The following FRMD4A variants were observed in gnomAD, a reference collection of about 807,000 sequenced individuals.
The protein encoded by FRMD4A is FERM domain containing 4A, also known as FERM domain-containing protein 4A.
FRMD4A carries 29 observed loss-of-function variants against 129.1 expected under a neutral mutation model. The ratio of observed to expected loss-of-function variants is 0.22; its 90% confidence interval spans 0.17 to 0.31. FRMD4A has a LOEUF of 0.31. FRMD4A is among the 10% of genes least tolerant of loss of function. FRMD4A has a pLI of 1.00. For missense variants in FRMD4A, 1,272 were observed against 1,375.8 expected, an observed-to-expected ratio of 0.92 and a Z score of 1.19; for synonymous variants, 634 against 571.6, an observed-to-expected ratio of 1.11 and a Z score of -1.56.
At chr10:14,018,532 A>T (rs867392331) in intron 2 of FRMD4A, among the ~76,000 whole-genome samples, 2 of 151,568 alleles carry the variant, frequency 1.3e-5, no homozygotes, top group Admixed American at 6.6e-5. Context: ...TATATTTTAG[A>T]TCTCATTCCA....
chr10:14,164,014 G>C (rs1025168826), intron 2 of FRMD4A, among the ~76,000 whole-genome samples: 4 of 152,186 alleles, frequency 2.6e-5, no homozygotes, highest in Admixed American at 2.6e-4. Context: ...AATGGCCCGT[G>C]TATTTTCTCA....
intron 5 of FRMD4A, among the ~76,000 whole-genome samples, chr10:13,787,247 A>C (rs1002864918): frequency 3.9e-5 from 6 of 152,310 alleles, no homozygotes; most frequent in African/African-American, 1.2e-4. Context: ...GGCCTGTCAT[A>C]TCATTGTTCT....
In FRMD4A at chr10:13,757,803, G is replaced by A. The variant is rs1238307150; in HGVS notation, c.464+3844C>T. ...TTGTCACCCAGGCTGGAGTGTAATG[G>A]CACGATCTCAGCTCACTGCAACCTC... On this transcript the variant is annotated intron_variant, in intron 8 of 24. Transcript: ENST00000357447. 3.9e-5 allele frequency among the ~76,000 whole-genome samples: 6 copies of A among 152,144 alleles called. No homozygotes were observed. In the East Asian group the frequency reaches 9.6e-4, roughly 24 times the overall value.
rs138433317 is a variant in FRMD4A at position 13,699,768 on chromosome 10, C to A, written c.975+1572G>T. On this transcript the variant is annotated intron_variant, in intron 14 of 24. Transcript: ENST00000357447. ...AGGTGTCGACCTCCAACTGTTGCCCCTGGACAGCAAAACCCTGACACCCAC... is the reference window on the plus strand; with the variant it reads ...AGGTGTCGACCTCCAACTGTTGCCCATGGACAGCAAAACCCTGACACCCAC... Among the ~76,000 whole-genome samples, 16 of 152,264 alleles carry A rather than the reference C, an allele frequency of 1.1e-4. 1 individual carries two copies. In the East Asian group the frequency reaches 3.1e-3, roughly 29 times the overall value.
intron 6 of FRMD4A, among the ~76,000 whole-genome samples, chr10:13,779,788 C>CAAAAAA (rs33912813): frequency 6.8e-6 from 1 of 146,880 alleles, no homozygotes. Context: ...AATTCACTCT[C>CAAAAAA]AAAAAAAAAA....
intron 2 of FRMD4A, among the ~76,000 whole-genome samples, chr10:14,145,837 A>T (rs1268111964): frequency 6.6e-6 from 1 of 152,178 alleles, no homozygotes; most frequent in Non-Finnish European, 1.5e-5. Context: ...CACCTTCTTT[A>T]TAAGCAAGGA....
intron 2 of FRMD4A, among the ~76,000 whole-genome samples, chr10:13,874,928 T>C (rs1318794407): frequency 6.6e-6 from 1 of 152,196 alleles, no homozygotes; most frequent in East Asian, 1.9e-4. Flanking sequence ...TAACAGGCTG[T>C]TGCAGAGTGA....
chr10:13,714,366 T>G (rs1414302910), intron 12 of FRMD4A, among the ~76,000 whole-genome samples: 1 of 151,394 alleles, frequency 6.6e-6, no homozygotes, highest in Non-Finnish European at 1.5e-5. Flanking sequence ...CTGGCCCAGG[T>G]ATATGTTTTT....
chr10:14,091,503 A>G (rs1998916), intron 2 of FRMD4A, among the ~76,000 whole-genome samples: 2,656 of 152,082 alleles, frequency 0.017, 113 homozygotes, highest in East Asian at 0.16. Context: ...GTGTGATCTC[A>G]GCTCACTGCA....
intron 2 of FRMD4A, among the ~76,000 whole-genome samples, chr10:14,162,598 C>G (rs556103979): frequency 6.6e-6 from 1 of 150,938 alleles, no homozygotes; most frequent in East Asian, 1.9e-4. Flanking sequence ...ACTCTCATCC[C>G]AGCCAATTGA....
intron 2 of FRMD4A, among the ~76,000 whole-genome samples, chr10:14,030,329 T>C (rs1833178523): frequency 6.6e-6 from 1 of 152,226 alleles, no homozygotes; most frequent in Non-Finnish European, 1.5e-5. Flanking sequence ...GATACATTAA[T>C]TAGCTTGATC....
intron 4 of FRMD4A, among the ~76,000 whole-genome samples, chr10:13,801,699 G>A (rs1168724356): frequency 1.3e-5 from 2 of 152,198 alleles, no homozygotes; most frequent in Non-Finnish European, 2.9e-5. Context: ...CTTTTGGCTG[G>A]AGCACTTGTT....
intron 3 of FRMD4A, among the ~76,000 whole-genome samples, chr10:13,841,796 A>G (rs1290990216): frequency 6.6e-6 from 1 of 152,124 alleles, no homozygotes; most frequent in Non-Finnish European, 1.5e-5. Flanking sequence ...AAGTCATTCT[A>G]ACAAATTATT....
chr10:14,182,829 T>C (rs1397546942), intron 2 of FRMD4A, among the ~76,000 whole-genome samples: 1 of 152,216 alleles, frequency 6.6e-6, no homozygotes, highest in Non-Finnish European at 1.5e-5. Flanking sequence ...TTCTGAATTC[T>C]ACTGAGTGAG....
intron 2 of FRMD4A, among the ~76,000 whole-genome samples, chr10:14,044,480 A>G (rs1439421282): frequency 6.6e-6 from 1 of 152,252 alleles, no homozygotes; most frequent in Non-Finnish European, 1.5e-5. Flanking sequence ...CCTAAGTCCA[A>G]TATGACTAGC....
At chr10:13,921,349 C>T (rs1296579489) in intron 2 of FRMD4A, among the ~76,000 whole-genome samples, 1 of 151,026 alleles carries the variant, frequency 6.6e-6, no homozygotes, top group East Asian at 1.9e-4. Context: ...GAAGACTTGA[C>T]CTCCTGGCCT....
intron 3 of FRMD4A, among the ~76,000 whole-genome samples, chr10:13,846,153 A>C (rs1384732518): frequency 6.6e-6 from 1 of 152,252 alleles, no homozygotes; most frequent in East Asian, 1.9e-4. Flanking sequence ...CAATTAGCTA[A>C]TATGATGATT....
At chr10:13,827,364 G>A (rs1179977026) in intron 3 of FRMD4A, among the ~76,000 whole-genome samples, 1 of 152,200 alleles carries the variant, frequency 6.6e-6, no homozygotes, top group Admixed American at 6.5e-5. Flanking sequence ...CGTTCCCACA[G>A]CCTGGGGCAG....
chr10:14,277,417 G>T (rs966188758), intron 2 of FRMD4A, among the ~76,000 whole-genome samples: 1 of 152,126 alleles, frequency 6.6e-6, no homozygotes, highest in Non-Finnish European at 1.5e-5. Context: ...CTTGTAAAGG[G>T]GACCCCAGAG....
Sources: gnomAD v4.1 joint callset for allele counts (sites outside exome capture counted in the v4.1 genomes callset) on GRCh38, gnomAD v4.1.1 for gene constraint, MANE v1.5 for transcripts, NCBI Gene and HGNC (gene_info 2026-07-23, HGNC 2026-07-21) for gene names.